The following NFYC variants were observed in gnomAD, a reference collection of about 807,000 sequenced individuals.
NFYC encodes the protein CAAT box DNA-binding protein subunit C.
NFYC carries 25 observed loss-of-function variants against 53.1 expected under a neutral mutation model. The ratio of observed to expected loss-of-function variants is 0.47; its 90% CI spans 0.34 to 0.66. The LOEUF is 0.66. Ranked by LOEUF, NFYC falls within the 30% of genes least tolerant of loss-of-function variation. NFYC has a pLI of 0.01. For synonymous variants in NFYC, 145 were observed against 152.6 expected (o/e 0.95, Z 0.37); for missense variants, 260 against 422.7 (o/e 0.62, Z 3.38).
chr1:40,728,650 T>G (rs1438702697), intron 1 of NFYC, among the ~76,000 whole-genome samples: 1 of 152,028 alleles, frequency 6.6e-6, no homozygotes, highest in Non-Finnish European at 1.5e-5. Context: ...TTTTGTTTTG[T>G]TTTTTGAGAC....
intron 1 of NFYC, among the ~76,000 whole-genome samples, chr1:40,721,944 G>A (rs1489256355): frequency 6.6e-6 from 1 of 152,096 alleles, no homozygotes; most frequent in Non-Finnish European, 1.5e-5. Flanking sequence ...GCCAAGGTGG[G>A]CGGATCAGGA....
intron 4 of NFYC, among the ~76,000 whole-genome samples, chr1:40,751,289 G>T (rs970236155): frequency 7.2e-5 from 11 of 152,212 alleles, no homozygotes; most frequent in Admixed American, 2.0e-4. Context: ...ATTACATAGT[G>T]CATGATACAA....
At chr1:40,749,403 T>A (rs3818758) in intron 3 of NFYC, among the ~76,000 whole-genome samples, 170 bp from the exon 4 acceptor site, 43,942 of 152,114 alleles carry the variant, frequency 0.29, 7,614 homozygotes, top group East Asian at 0.42. Context: ...TTTCTCCCTG[T>A]TACCTGCTTT....
intron 1 of NFYC, among the ~76,000 whole-genome samples, chr1:40,707,753 C>T (rs1483128782): frequency 1.3e-5 from 2 of 151,308 alleles, no homozygotes; most frequent in East Asian, 1.9e-4. Flanking sequence ...GTGGGAAGAT[C>T]GCTTGAGCCC....
At chr1:40,759,610 A>G (rs1244552876) in intron 6 of NFYC, among the ~76,000 whole-genome samples, 1 of 151,862 alleles carries the variant, frequency 6.6e-6, no homozygotes, top group African/African-American at 2.4e-5. Flanking sequence ...GTGTATATAT[A>G]TGTATATGTG....
At chr1:40,704,293 G>C (rs944088764) in intron 1 of NFYC, among the ~76,000 whole-genome samples, 2 of 152,058 alleles carry the variant, frequency 1.3e-5, no homozygotes, top group African/African-American at 2.4e-5. Flanking sequence ...GGATGGTCTC[G>C]ATCTCCTGAA....
intron 1 of NFYC, among the ~76,000 whole-genome samples, chr1:40,737,167 T>G (rs1280387514): frequency 1.3e-5 from 2 of 151,152 alleles, no homozygotes; most frequent in Admixed American, 1.3e-4. Context: ...TCCCAGACAT[T>G]TCTGGTCCCC....
At chr1:40,717,306 CCT>C (rs1383254749) in intron 1 of NFYC, among the ~76,000 whole-genome samples, 2 of 152,080 alleles carry the variant, frequency 1.3e-5, no homozygotes, top group East Asian at 3.8e-4. Flanking sequence ...GTTGCACACC[CCT>C]GTTTTCTGAG....
At position 40,720,814 on chromosome 1, in the gene NFYC, A is replaced by G. The variant is rs576189465; in HGVS notation, c.-8-18022A>G. On this transcript the variant is annotated intron_variant, in intron 1 of 9. Coordinates refer to ENST00000447388, the MANE Select transcript of NFYC (RefSeq NM_014223.5). ...AACCCAGGAGGTTGAGGCTTCAGTG[A>G]GCCATGATTACGCCACTGCACTCCA... Among the ~76,000 whole-genome samples the G allele has an allele frequency of 4.6e-5, 7 of 152,316 alleles. No individual in the cohort carries two copies. The East Asian group carries it at 1.2e-3, about 25-fold the overall frequency.
intron 1 of NFYC, among the ~76,000 whole-genome samples, chr1:40,725,970 C>T (rs545830189): frequency 1.3e-5 from 2 of 152,226 alleles, no homozygotes; most frequent in South Asian, 4.1e-4. Context: ...GGTAAAAATG[C>T]AAATTATCAT....
At chr1:40,762,767 A>G in intron 6 of NFYC, 121 bp from the exon 7 acceptor site, 1 of 885,432 alleles carries the variant, frequency 1.1e-6, no homozygotes, top group Non-Finnish European at 1.6e-6. Context: ...TAGTACTGAG[A>G]TGACCTTAGG....
At chr1:40,717,298 T>G (rs1345136672) in intron 1 of NFYC, among the ~76,000 whole-genome samples, 1 of 152,232 alleles carries the variant, frequency 6.6e-6, no homozygotes, top group African/African-American at 2.4e-5. Flanking sequence ...TTTTTTTGGT[T>G]GCACACCCCT....
chr1:40,767,625 A>G (rs919334465), intron 8 of NFYC, among the ~76,000 whole-genome samples: 1 of 152,108 alleles, frequency 6.6e-6, no homozygotes. Context: ...TGGGATCCAA[A>G]AAACATAACG....
rs1156248009 is a variant in NFYC at position 40,758,118 on chromosome 1, C to T, written c.388-3C>T. On this transcript the variant is annotated splice_polypyrimidine_tract_variant and splice_region_variant and intron_variant, in intron 5 of 9. Coordinates refer to ENST00000447388, the MANE Select transcript of NFYC (RefSeq NM_014223.5). ...CTTACCTGCCTCTCTTTCCACCCAA[C>T]AGGAGGAGGTGCGCCAGTCTGTAAC... 3 of 1,611,690 alleles carry T rather than the reference C, an allele frequency of 1.9e-6. No individual in the cohort carries two copies. Among genetic ancestry groups the T allele is most frequent in the East Asian group, 2.2e-5 (1 of 44,896 alleles).
In NFYC at chr1:40,770,237, C is replaced by A; in HGVS notation, c.889-472C>A. On this transcript the variant is annotated intron_variant, in intron 9 of 9. Coordinates refer to ENST00000447388, the MANE Select transcript of NFYC (RefSeq NM_014223.5). The surrounding 1 kb of genome is among the most constrained non-coding windows in gnomAD (Gnocchi z 5.3). ...CTTAGCAGGGTCCATGGAGAAAATT[C>A]AAATTCAGTTTAGTTTCAACCTGAG... 1 of 745,846 alleles carries A rather than the reference C, an allele frequency of 1.3e-6. No homozygotes were observed. 46.2% of individuals were successfully genotyped at this position (745,846 alleles called of 1,614,324 possible).
At chr1:40,713,194 T>C (rs982033924) in intron 1 of NFYC, among the ~76,000 whole-genome samples, 11 of 152,112 alleles carry the variant, frequency 7.2e-5, no homozygotes, top group Non-Finnish European at 1.2e-4. Flanking sequence ...CTTCCTTTTT[T>C]CCCCCCCAGG....
In NFYC at chr1:40,771,548, T is replaced by A. The variant is rs1219407370; in HGVS notation, c.*720T>A. On this transcript the variant is annotated 3_prime_UTR_variant, in exon 10 of 10. Coordinates refer to ENST00000447388, the MANE Select transcript of NFYC (RefSeq NM_014223.5). ...TTAAATGCATTAAAAACTGTGCTAGTCTCCTTTGCATGGACTTCAAGCTGC... is the reference window on the plus strand; with the variant it reads ...TTAAATGCATTAAAAACTGTGCTAGACTCCTTTGCATGGACTTCAAGCTGC... 2.4e-6 allele frequency: 1 copy of A among 425,400 alleles called. No homozygotes were observed. Among genetic ancestry groups the A allele is most frequent in the African/African-American group, 2.1e-5 (1 of 47,930 alleles). 26.4% of individuals were successfully genotyped at this position (425,400 alleles called of 1,614,324 possible).
chr1:40,761,237 A>G (rs1646529338), intron 6 of NFYC, among the ~76,000 whole-genome samples: 1 of 152,166 alleles, frequency 6.6e-6, no homozygotes, highest in South Asian at 2.1e-4. Flanking sequence ...CTCTCTGCCA[A>G]CCCAGACGTG....
chr1:40,720,131 A>G (rs908706516), intron 1 of NFYC, among the ~76,000 whole-genome samples: 2 of 152,166 alleles, frequency 1.3e-5, no homozygotes, highest in African/African-American at 2.4e-5. Context: ...GTCTCATTTC[A>G]TGTCGTTTTC....
Sources: gnomAD v4.1 joint callset for allele counts (sites outside exome capture counted in the v4.1 genomes callset) on GRCh38, gnomAD v4.1.1 for gene constraint, Gnocchi (gnomAD v3.1) non-coding constraint, MANE v1.5 for transcripts, NCBI Gene and HGNC (gene_info 2026-07-23, HGNC 2026-07-21) for gene names.